ANKRD44: variants seen among roughly 807,000 people sequenced by gnomAD.
The protein encoded by ANKRD44 is serine/threonine-protein phosphatase 6 regulatory ankyrin repeat subunit B.
A neutral mutation model predicts 116.0 loss-of-function variants in ANKRD44; 35 were observed. The ratio of observed to expected loss-of-function variants is 0.30; its 90% CI spans 0.23 to 0.40. ANKRD44 has a LOEUF of 0.40. ANKRD44 is among the 10% of genes least tolerant of loss of function. The pLI, the probability that ANKRD44 is intolerant of heterozygous loss-of-function variation, is 1.00. For missense variants in ANKRD44, 1,014 were observed against 1,242.6 expected (o/e 0.82, Z 2.77); for synonymous variants, 435 against 461.8 (o/e 0.94, Z 0.74).
At chr2:197,170,048 G>T (rs2080190999) in intron 2 of ANKRD44, among the ~76,000 whole-genome samples, 1 of 151,964 alleles carries the variant, frequency 6.6e-6, no homozygotes, top group Admixed American at 6.6e-5. Context: ...AAATTAGCTG[G>T]GCATGGTGGT....
intron 16 of ANKRD44, among the ~76,000 whole-genome samples, chr2:197,061,629 G>C (rs4372926): frequency 6.6e-6 from 1 of 152,026 alleles, no homozygotes; most frequent in Non-Finnish European, 1.5e-5. Flanking sequence ...CAGAATATGG[G>C]GGCAGGGCCA....
chr2:197,242,944 C>CT (rs1020758414), intron 1 of ANKRD44, among the ~76,000 whole-genome samples: 180 of 152,222 alleles, frequency 1.2e-3, no homozygotes, highest in Non-Finnish European at 2.3e-3. Context: ...GCACAAGTTC[C>CT]TTTGCTTCCA....
intron 16 of ANKRD44, among the ~76,000 whole-genome samples, chr2:197,074,506 C>T (rs925681960): frequency 3.9e-5 from 6 of 152,084 alleles, no homozygotes; most frequent in Admixed American, 2.0e-4. Flanking sequence ...GGGTCTTGTT[C>T]TGTCACCCAG....
intron 18 of ANKRD44, among the ~76,000 whole-genome samples, chr2:197,012,785 T>A (rs963723081): frequency 6.6e-6 from 1 of 152,236 alleles, no homozygotes; most frequent in African/African-American, 2.4e-5. Flanking sequence ...AAGACAGTTA[T>A]TTATCGTTAC....
intron 3 of ANKRD44, among the ~76,000 whole-genome samples, chr2:197,142,741 A>C (rs968248713): frequency 3.3e-5 from 5 of 152,216 alleles, no homozygotes; most frequent in East Asian, 1.9e-4. Flanking sequence ...AAGGAATCAA[A>C]AGAATGATGT....
At chr2:196,983,782 C>T (rs754053277), downstream of ANKRD44, among the ~76,000 whole-genome samples, 6 of 152,192 alleles carry the variant, frequency 3.9e-5, no homozygotes, top group Non-Finnish European at 8.8e-5. Context: ...CCCTGTGAGG[C>T]TGAAGTACTG....
chr2:197,048,190 A>G (rs535634864), intron 16 of ANKRD44, among the ~76,000 whole-genome samples: 165 of 152,094 alleles, frequency 1.1e-3, no homozygotes, highest in African/African-American at 3.8e-3. Flanking sequence ...TAATGTATTC[A>G]TTGTATTTTT....
In ANKRD44 at chr2:197,025,214, C is replaced by T; in HGVS notation, c.1704G>A (p.Lys568=). ...GFEESDSGAT[K]SPLHLAAYNG... ...CACTTACAGCTAAGTGGAGTGGACT[C>T]TTAGTAGCACCAGAATCTGATTCTT... Residue 568 remains lysine, a synonymous_variant, in exon 17 of 28, where the codon AAG becomes AAA. Coordinates refer to ENST00000282272, the MANE Select transcript of ANKRD44 (RefSeq NM_001195144.2). 4 of 1,612,656 alleles carry T rather than the reference C, an allele frequency of 2.5e-6. No homozygotes were observed. The highest frequency in any genetic ancestry group is 2.2e-5 in the South Asian group (2 of 91,000).
intron 1 of ANKRD44, among the ~76,000 whole-genome samples, chr2:197,274,833 C>A (rs189536523): frequency 2.0e-5 from 3 of 152,110 alleles, no homozygotes; most frequent in Non-Finnish European, 4.4e-5. Flanking sequence ...TGGCTTACAC[C>A]TTGTAATCCT....
Position 196,987,363 on chromosome 2 carries a change from C to T in ANKRD44, c.*2228G>A. 6 of 985,018 alleles carry T rather than the reference C, an allele frequency of 6.1e-6. No individual in the cohort carries two copies. Among genetic ancestry groups the T allele is most frequent in the African/African-American group, 1.7e-5 (1 of 57,330 alleles). The allele number at this position is 985,018 out of a possible 1,614,324, so 61.0% of individuals were successfully genotyped here. ...CTGGTATCATATTGCTCTGATAACA[C>T]TCAAATGAAAAAATACAAAACATTC... On this transcript the variant is annotated 3_prime_UTR_variant, in exon 28 of 28. Transcript: ENST00000282272.
intron 4 of ANKRD44, among the ~76,000 whole-genome samples, chr2:197,126,849 T>G (rs986618022): frequency 2.6e-4 from 9 of 34,102 alleles, no homozygotes; most frequent in East Asian, 0.021. Flanking sequence ...GGGAGTGGTG[T>G]TGTGGACCTC....
rs1162478063 is a variant in ANKRD44, at chr2:196,987,943, T to A, written c.*1648A>T. The A allele has an allele frequency of 2.0e-6, 2 of 984,716 alleles. No homozygotes were observed. The highest frequency in any genetic ancestry group is 2.4e-6 in the Non-Finnish European group (2 of 829,510). The allele number at this position is 984,716 out of a possible 1,614,324, so 61.0% of individuals were successfully genotyped here. On this transcript the variant is annotated 3_prime_UTR_variant, in exon 28 of 28. Transcript: ENST00000282272. ...TTTTAAAGTCATTTCTTTAAAAAAATTTTGCCTTGGGGTATGGGAGAAAGA... is the reference window on the plus strand; with the variant it reads ...TTTTAAAGTCATTTCTTTAAAAAAAATTTGCCTTGGGGTATGGGAGAAAGA...
At chr2:197,107,516 G>GTT (rs147912843) in intron 9 of ANKRD44, among the ~76,000 whole-genome samples, 3 of 148,730 alleles carry the variant, frequency 2.0e-5, no homozygotes, top group African/African-American at 7.4e-5. Context: ...AAAGAGTGGG[G>GTT]TTTTTTTTTT....
intron 2 of ANKRD44, among the ~76,000 whole-genome samples, chr2:197,148,466 G>A (rs772976172): frequency 2.0e-5 from 3 of 152,092 alleles, no homozygotes; most frequent in Non-Finnish European, 4.4e-5. Context: ...CAAGTTTCTT[G>A]GATTCGCTGT....
rs1559208607 is a variant in ANKRD44 at position 197,274,004 on chromosome 2, T to TAG, written c.27+36573_27+36574insCT. On this transcript the variant is annotated intron_variant, in intron 1 of 27. Transcript: ENST00000282272. ...AAATATATATATATATATATATATATATATATATATATATATATATATATG... is the reference window on the plus strand; with the variant it reads ...AAATATATATATATATATATATATATAGATATATATATATATATATATATATG... 8.8e-3 allele frequency among the ~76,000 whole-genome samples: 674 copies of TAG among 76,172 alleles called. 63 individuals carry two copies. Among genetic ancestry groups the TAG allele is most frequent in the African/African-American group, 0.041 (628 of 15,280 alleles). The allele number at this position is 76,172 out of a possible 152,430, so 50.0% of individuals were successfully genotyped here.
chr2:197,286,246 G>A (rs2083403954), intron 1 of ANKRD44, among the ~76,000 whole-genome samples: 1 of 152,110 alleles, frequency 6.6e-6, no homozygotes, highest in Non-Finnish European at 1.5e-5. Flanking sequence ...CAATTTGAAA[G>A]CAATTTGGTT....
At chr2:197,082,366 G>A (rs2077817213) in intron 14 of ANKRD44, among the ~76,000 whole-genome samples, 1 of 152,146 alleles carries the variant, frequency 6.6e-6, no homozygotes, top group African/African-American at 2.4e-5. Flanking sequence ...TAACTATGAA[G>A]AGGAAACAAG....
chr2:197,099,998 T>C (rs1009559977), intron 9 of ANKRD44, 68 bp from the exon 10 acceptor site: 25 of 1,363,216 alleles, frequency 1.8e-5, no homozygotes, highest in Non-Finnish European at 2.5e-5. Context: ...TGTTCTCTGC[T>C]AGTCTCTCGT....
At chr2:197,278,759 C>G (rs981114317) in intron 1 of ANKRD44, among the ~76,000 whole-genome samples, 1 of 152,224 alleles carries the variant, frequency 6.6e-6, no homozygotes, top group Non-Finnish European at 1.5e-5. Flanking sequence ...TCTTCCCCAC[C>G]ACCCCTTTCC....
Sources: gnomAD v4.1 joint callset for allele counts (sites outside exome capture counted in the v4.1 genomes callset) on GRCh38, gnomAD v4.1.1 for gene constraint, MANE v1.5 for transcripts, NCBI Gene and HGNC (gene_info 2026-07-23, HGNC 2026-07-21) for gene names.